EPHA6: variants seen among roughly 807,000 people sequenced by gnomAD.
The protein encoded by EPHA6 is EPH receptor A6.
EPHA6 carries 50 observed loss-of-function variants against 112.0 expected under a neutral mutation model. That is an observed-to-expected ratio of 0.45 (90% CI 0.36 to 0.56). EPHA6 has a LOEUF of 0.56. Ranked by LOEUF, EPHA6 falls within the 20% of genes least tolerant of loss-of-function variation. EPHA6 has a pLI of 0.00. For missense variants in EPHA6, 1,280 were observed against 1,417.4 expected (o/e 0.90, Z 1.56); for synonymous variants, 529 against 490.7 (o/e 1.08, Z -1.03).
At chr3:97,533,295 C>T (rs2107651508) in intron 11 of EPHA6, among the ~76,000 whole-genome samples, 1 of 151,994 alleles carries the variant, frequency 6.6e-6, no homozygotes, top group Admixed American at 6.6e-5. Flanking sequence ...AGGCATTTTT[C>T]TTTCATAAAA....
chr3:97,058,070 G>C (rs2108110226), intron 3 of EPHA6, among the ~76,000 whole-genome samples: 1 of 152,088 alleles, frequency 6.6e-6, no homozygotes, highest in Middle Eastern at 3.4e-3. Context: ...ATAATTTATA[G>C]TATTTAAGAC....
chr3:96,897,671 T>C (rs2107560852), intron 2 of EPHA6, among the ~76,000 whole-genome samples: 1 of 152,276 alleles, frequency 6.6e-6, no homozygotes, highest in South Asian at 2.1e-4. Flanking sequence ...CAGCTACATA[T>C]ATAGAGAAAA....
At chr3:96,952,433 T>C (rs951619805) in intron 2 of EPHA6, among the ~76,000 whole-genome samples, 3 of 152,106 alleles carry the variant, frequency 2.0e-5, no homozygotes, top group African/African-American at 7.2e-5. Context: ...GTTCTTGTGG[T>C]GCTGAGTTAG....
At chr3:97,548,387 C>T (rs1210599937) in intron 11 of EPHA6, among the ~76,000 whole-genome samples, 3 of 152,144 alleles carry the variant, frequency 2.0e-5, no homozygotes. Flanking sequence ...TTCTAGATTA[C>T]TACACTATAA....
At chr3:96,934,351 C>A (rs113852194) in intron 2 of EPHA6, among the ~76,000 whole-genome samples, 7 of 151,460 alleles carry the variant, frequency 4.6e-5, no homozygotes, top group African/African-American at 1.7e-4. Flanking sequence ...TTATCTTATA[C>A]CATTATTATT....
intron 3 of EPHA6, among the ~76,000 whole-genome samples, chr3:97,141,032 T>G (rs2075887498): frequency 6.6e-6 from 1 of 152,066 alleles, no homozygotes; most frequent in East Asian, 1.9e-4. Context: ...TAGCTATACA[T>G]ATATCAGATC....
intron 3 of EPHA6, among the ~76,000 whole-genome samples, chr3:97,191,875 G>C (rs980386935): frequency 3.3e-5 from 5 of 152,060 alleles, no homozygotes; most frequent in African/African-American, 1.2e-4. Context: ...TCATATGGCT[G>C]TTCCATTTTT....
At chr3:96,827,301 T>C (rs1408936231) in intron 1 of EPHA6, among the ~76,000 whole-genome samples, 1 of 152,150 alleles carries the variant, frequency 6.6e-6, no homozygotes, top group East Asian at 1.9e-4. Flanking sequence ...TGACTCTCCA[T>C]GTGAAAGCAA....
At chr3:97,399,172 A>G (rs534825827) in intron 5 of EPHA6, among the ~76,000 whole-genome samples, 4 of 151,550 alleles carry the variant, frequency 2.6e-5, no homozygotes, top group African/African-American at 9.7e-5. Flanking sequence ...TTTAGCTTTC[A>G]CAGATGAGTG....
chr3:97,520,230 G>C (rs564516557), intron 10 of EPHA6, among the ~76,000 whole-genome samples: 1 of 152,214 alleles, frequency 6.6e-6, no homozygotes, highest in Non-Finnish European at 1.5e-5. Flanking sequence ...GCCTCCCAAA[G>C]TGCTGGGATT....
intron 14 of EPHA6, among the ~76,000 whole-genome samples, chr3:97,658,610 C>T (rs2107626201): frequency 6.6e-6 from 1 of 152,032 alleles, no homozygotes; most frequent in East Asian, 1.9e-4. Context: ...TTTGCTTGAA[C>T]TCCAATATAC....
chr3:96,953,155 A>G (rs2041620711), intron 2 of EPHA6, among the ~76,000 whole-genome samples: 1 of 152,170 alleles, frequency 6.6e-6, no homozygotes, highest in Non-Finnish European at 1.5e-5. Flanking sequence ...TCCATCCTGT[A>G]TAGTATGCTA....
Position 97,286,155 on chromosome 3 carries a change from G to A in EPHA6, c.1606+41868G>A, listed in dbSNP as rs1400013817. Among the ~76,000 whole-genome samples, 5 of 152,014 alleles carry A rather than the reference G, an allele frequency of 3.3e-5. No individual in the cohort carries two copies. The East Asian group carries it at 9.6e-4, about 29-fold the overall frequency. On this transcript the variant is annotated intron_variant, in intron 5 of 17. Transcript: ENST00000389672. ...CTTTCTGCTCATTAGTTTCTAGTCA[G>A]GTGATTAGTTCAAAAATATTTTCTC...
chr3:97,425,976 A>T (rs902921998), intron 6 of EPHA6, among the ~76,000 whole-genome samples: 1 of 152,116 alleles, frequency 6.6e-6, no homozygotes, highest in African/African-American at 2.4e-5. Flanking sequence ...CCTGGACTTT[A>T]TTGTCCACAT....
chr3:97,090,837 T>C (rs553274615), intron 3 of EPHA6, among the ~76,000 whole-genome samples: 238 of 152,192 alleles, frequency 1.6e-3, no homozygotes, highest in Middle Eastern at 3.4e-3. Context: ...ATTTTTTAAA[T>C]TGCTTTTTTA....
At chr3:96,828,070 C>G (rs2033783287) in intron 1 of EPHA6, among the ~76,000 whole-genome samples, 1 of 151,928 alleles carries the variant, frequency 6.6e-6, no homozygotes, top group Admixed American at 6.6e-5. Context: ...GTCTGTTATA[C>G]TCTGGAAAAA....
intron 5 of EPHA6, among the ~76,000 whole-genome samples, chr3:97,384,464 C>T (rs776723654): frequency 6.6e-6 from 1 of 152,150 alleles, no homozygotes; most frequent in Non-Finnish European, 1.5e-5. Flanking sequence ...GCCATCCCCA[C>T]TCATTCACTC....
chr3:96,891,599 C>G (rs2037967796), intron 2 of EPHA6, among the ~76,000 whole-genome samples: 1 of 152,082 alleles, frequency 6.6e-6, no homozygotes, highest in South Asian at 2.1e-4. Flanking sequence ...ATCCCAGCTA[C>G]TTGGGAGGCT....
chr3:96,988,786 G>A (rs909893132), intron 3 of EPHA6, among the ~76,000 whole-genome samples: 13 of 151,928 alleles, frequency 8.6e-5, no homozygotes, highest in African/African-American at 2.9e-4. Flanking sequence ...TGTTAACATC[G>A]CAAAATGCTA....
Sources: gnomAD v4.1 joint callset for allele counts (sites outside exome capture counted in the v4.1 genomes callset) on GRCh38, gnomAD v4.1.1 for gene constraint, MANE v1.5 for transcripts, NCBI Gene and HGNC (gene_info 2026-07-23, HGNC 2026-07-21) for gene names.